The following HABP4 variants were observed in gnomAD, a reference collection of about 807,000 sequenced individuals.
HABP4 encodes intracellular hyaluronan-binding protein 4.
Under a neutral mutation model 44.1 loss-of-function variants are expected in HABP4, and 32 were observed. That is an observed-to-expected ratio of 0.73 (90% CI 0.55 to 0.97). The LOEUF (loss-of-function observed/expected upper bound fraction) is 0.97, where lower values mean the gene tolerates loss of function less well. Ranked by LOEUF, HABP4 falls within the 50% of genes least tolerant of loss-of-function variation. The probability of loss-of-function intolerance (pLI) is 0.00; values close to 1 mark genes in which losing one functional copy is unlikely to be tolerated. For missense variants in HABP4, 503 were observed against 561.9 expected (o/e 0.90, Z 1.06); for synonymous variants, 216 against 218.0 (o/e 0.99, Z 0.08).
intron 5 of HABP4, among the ~76,000 whole-genome samples, chr9:96,475,827 T>G (rs997351451): frequency 6.6e-6 from 1 of 152,158 alleles, no homozygotes; most frequent in African/African-American, 2.4e-5. Flanking sequence ...TAATACAAAC[T>G]ATCTGCAATA....
At chr9:96,466,817 G>A (rs1045291228) in intron 4 of HABP4, among the ~76,000 whole-genome samples, 3 of 152,192 alleles carry the variant, frequency 2.0e-5, no homozygotes, top group Non-Finnish European at 2.9e-5. Context: ...GGTAGGGCAT[G>A]CTGCAGGCAG....
At chr9:96,456,459 T>C (rs1036391091) in intron 1 of HABP4, among the ~76,000 whole-genome samples, 1 of 151,980 alleles carries the variant, frequency 6.6e-6, no homozygotes. Context: ...GGAAGTCTAA[T>C]AGTTAAAAAA....
chr9:96,490,031 T>C lies in HABP4; in HGVS notation c.1235T>C (p.Leu412Pro). The part of the protein sequence containing the change: ...NPDDPEDFPA[L>P]S ...GATGACCCGGAAGATTTCCCTGCGC[T>C]GTCTTGAAAGAGCCCTGTTTCCCAG... The change falls in exon 8 of 8, where the codon CTG becomes CCG. Residue 412 changes from leucine (L) to proline (P), a missense_variant. Coordinates refer to ENST00000375249, the MANE Select transcript of HABP4 (RefSeq NM_014282.4). 1 of 1,596,850 alleles carries C rather than the reference T, an allele frequency of 6.3e-7. No individual in the cohort carries two copies. The highest frequency in any genetic ancestry group is 8.6e-7 in the Non-Finnish European group (1 of 1,164,132).
rs531168147 is a variant in HABP4 at position 96,450,890 on chromosome 9, C to T, written c.349+262C>T. Among the ~76,000 whole-genome samples the T allele has an allele frequency of 5.9e-5, 9 of 152,160 alleles. No homozygotes were observed. Among genetic ancestry groups the T allele is most frequent in the Non-Finnish European group, 1.3e-4 (9 of 67,966 alleles). On this transcript the variant is annotated intron_variant, in intron 1 of 7. Transcript: ENST00000375249. This position sits in a 1 kb window ranked among gnomAD's most constrained non-coding sequence, Gnocchi z 4.8. ...CACTGAGGCTCTACGGCAAGTTGGACGAAGTTGAGGGAGGTTGTCTGGGTG... is the reference window on the plus strand; with the variant it reads ...CACTGAGGCTCTACGGCAAGTTGGATGAAGTTGAGGGAGGTTGTCTGGGTG...
rs775289004 is a variant in HABP4, at chr9:96,465,363, G to A, written c.539G>A (p.Arg180Lys). 1 of 1,610,700 alleles carries A rather than the reference G, an allele frequency of 6.2e-7. No homozygotes were observed. Among genetic ancestry groups the A allele is most frequent in the South Asian group, 1.1e-5 (1 of 90,984 alleles). Reference sequence around the variant, plus strand: ...CCAGGTGATAGGTTTGATCGAGACAGACCGTTGAGAGGACGTGGAGGCCCG... The same window carrying A: ...CCAGGTGATAGGTTTGATCGAGACAAACCGTTGAGAGGACGTGGAGGCCCG... The part of the protein sequence containing the change: ...EKPGDRFDRD[R>K]PLRGRGGPRG... The change falls in exon 3 of 8, where the codon AGA (arginine) becomes AAA (lysine). Residue 180 changes from arginine (R) to lysine (K), a missense_variant. Physicochemically the swap from Arg to Lys is conservative, Grantham distance 26. Coordinates refer to ENST00000375249, the MANE Select transcript of HABP4 (RefSeq NM_014282.4).
At chr9:96,465,958 A>G (rs935340903) in intron 4 of HABP4, among the ~76,000 whole-genome samples, 180 bp downstream of exon 4, 3 of 152,238 alleles carry the variant, frequency 2.0e-5, no homozygotes, top group Non-Finnish European at 4.4e-5. Context: ...GCTATGTTGC[A>G]GTTAGATTTA....
chr9:96,477,656 T>G (rs998185134), intron 5 of HABP4, among the ~76,000 whole-genome samples: 10 of 152,208 alleles, frequency 6.6e-5, no homozygotes, highest in Admixed American at 2.0e-4. Flanking sequence ...AATATTGAAA[T>G]ATACATGTCA....
Position 96,450,388 on chromosome 9 carries a change from G to A in HABP4, c.109G>A (p.Asp37Asn), listed in dbSNP as rs1832245727. Residue 37 changes from aspartate to asparagine, a missense_variant, in exon 1 of 8, where the codon GAC becomes AAC. By Grantham distance (23) the Asp-to-Asn change is conservative (BLOSUM62 1). This residue lies in a region of HABP4 where 290 missense variants were observed against 300.5 expected (regional missense o/e 0.97). Coordinates refer to ENST00000375249, the MANE Select transcript of HABP4 (RefSeq NM_014282.4). This position sits in a 1 kb window ranked among gnomAD's most constrained non-coding sequence, Gnocchi z 4.8. ...CCATCAGCTGCTGGACGACGAGTCG[G>A]ACCCGTTCGACATCCTGCGCGAGGC... The part of the protein sequence containing the change: ...RFHQLLDDES[D>N]PFDILREAER... The A allele has an allele frequency of 1.9e-6, 2 of 1,080,608 alleles. No individual in the cohort carries two copies. Among genetic ancestry groups the A allele is most frequent in the Non-Finnish European group, 1.2e-6 (1 of 818,028 alleles). 66.9% of individuals were successfully genotyped at this position (1,080,608 alleles called of 1,614,324 possible). A position where few individuals can be genotyped will look rare whatever the true frequency, so the allele number is the denominator to read the frequency against.
intron 1 of HABP4, among the ~76,000 whole-genome samples, 167 bp from the exon 2 acceptor site, chr9:96,458,212 G>A (rs1444876445): frequency 6.6e-6 from 1 of 152,198 alleles, no homozygotes; most frequent in African/African-American, 2.4e-5. Flanking sequence ...TAGACTGTGG[G>A]CAGTTGTAGT....
Position 96,450,459 on chromosome 9 carries a change from G to A in HABP4, c.180G>A (p.Glu60=). 8.3e-7 allele frequency: 1 copy of A among 1,205,334 alleles called. No individual in the cohort carries two copies. The highest frequency in any genetic ancestry group is 1.0e-6 in the Non-Finnish European group (1 of 961,342). 74.7% of individuals were successfully genotyped at this position (1,205,334 alleles called of 1,614,324 possible). A position where few individuals can be genotyped will look rare whatever the true frequency, so the allele number is the denominator to read the frequency against. The part of the protein sequence containing the change: ...QQQLQRKRRD[E]AAAAAGAGPR... ...AGCTGCAGCGCAAGAGGCGCGACGA[G>A]GCGGCGGCGGCGGCCGGGGCCGGTC... is the stretch of plus-strand genomic sequence containing the variant. The change falls in exon 1 of 8, where the codon GAG becomes GAA. Residue 60 remains glutamate, a synonymous_variant. Transcript: ENST00000375249. This position sits in a 1 kb window ranked among gnomAD's most constrained non-coding sequence, Gnocchi z 4.8.
At position 96,465,370 on chromosome 9, in the gene HABP4, G is replaced by A; in HGVS notation, c.546G>A (p.Leu182=). Residue 182 remains leucine (L), a synonymous_variant, in exon 3 of 8, where the codon TTG becomes TTA. Transcript: ENST00000375249. ...ATAGGTTTGATCGAGACAGACCGTT[G>A]AGAGGACGTGGAGGCCCGAGAGGGG... The part of the protein sequence containing the change: ...PGDRFDRDRP[L]RGRGGPRGGM... The A allele has an allele frequency of 6.2e-7, 1 of 1,611,118 alleles. No homozygotes were observed. Among genetic ancestry groups the A allele is most frequent in the Non-Finnish European group, 8.5e-7 (1 of 1,177,280 alleles).
chr9:96,481,892 TAACATTC>T (rs1832885631), intron 5 of HABP4, among the ~76,000 whole-genome samples: 1 of 152,068 alleles, frequency 6.6e-6, no homozygotes. Flanking sequence ...ATGGCATCAG[TAACATTC>T]ATATTGTGTG....
At chr9:96,473,074 C>A (rs866114319) in intron 5 of HABP4, among the ~76,000 whole-genome samples, 2 of 152,186 alleles carry the variant, frequency 1.3e-5, no homozygotes, top group Admixed American at 6.5e-5. Context: ...TGCCTTAGGC[C>A]TTCTCTTTCT....
Position 96,484,459 on chromosome 9 carries a change from T to A in HABP4, c.828-3T>A. 7.3e-7 allele frequency: 1 copy of A among 1,368,746 alleles called. No homozygotes were observed. Among genetic ancestry groups the A allele is most frequent in the Non-Finnish European group, 1.0e-6 (1 of 963,778 alleles). 84.8% of individuals were successfully genotyped at this position (1,368,746 alleles called of 1,614,324 possible). A position where few individuals can be genotyped will look rare whatever the true frequency, so the allele number is the denominator to read the frequency against. The stretch of plus-strand genomic sequence containing the variant: ...TTCTTTATGATTATATATCTCTTTA[T>A]AGAGTTCCTGAGTTGGAGGTAGAAG... On this transcript the variant is annotated splice_region_variant and splice_polypyrimidine_tract_variant and intron_variant, in intron 5 of 7. Coordinates refer to ENST00000375249, the MANE Select transcript of HABP4 (RefSeq NM_014282.4).
In HABP4 at chr9:96,488,119, C is replaced by T; in HGVS notation, c.1030C>T (p.His344Tyr). Residue 344 changes from histidine (H) to tyrosine (Y), a missense_variant, in exon 7 of 8, where the codon CAT becomes TAT. His to Tyr is a moderately conservative substitution (Grantham distance 83, BLOSUM62 2). Transcript: ENST00000375249. This position sits in a 1 kb window ranked among gnomAD's most constrained non-coding sequence, Gnocchi z 4.6. The stretch of plus-strand genomic sequence containing the variant: ...AAAAGATGACTATGAGGACGATTCC[C>T]ATGTTTTCCGGAAACCCGCCAATGA... ...MVKDDYEDDS[H>Y]VFRKPANDIT... 1 of 1,613,440 alleles carries T rather than the reference C, an allele frequency of 6.2e-7. No homozygotes were observed. The highest frequency in any genetic ancestry group is 8.5e-7 in the Non-Finnish European group (1 of 1,179,372).
intron 6 of HABP4, among the ~76,000 whole-genome samples, chr9:96,485,055 CTTT>C (rs869271101): frequency 6.9e-6 from 1 of 145,260 alleles, no homozygotes. Context: ...TAGTTGATGA[CTTT>C]TTTTTTTTTT....
At chr9:96,485,274 C>A (rs1832953261) in intron 6 of HABP4, among the ~76,000 whole-genome samples, 1 of 152,208 alleles carries the variant, frequency 6.6e-6, no homozygotes. Context: ...TGGTCTTGAA[C>A]TCCCGACCTC....
In HABP4 at chr9:96,450,347, T is replaced by C. The variant is rs1302430371; in HGVS notation, c.68T>C (p.Val23Ala). ...GCGATGCAGGAGAGTTTCGGCTGCG[T>C]GGTGGCCAACCGCTTCCATCAGCTG... Reference protein sequence around the residue: ...GAAMQESFGCVVANRFHQLLD... With the variant: ...GAAMQESFGCAVANRFHQLLD... The change falls in exon 1 of 8, where the codon GTG becomes GCG. Residue 23 changes from valine (V) to alanine (A), a missense_variant. By Grantham distance (64) the Val-to-Ala change is moderately conservative (BLOSUM62 0). This residue lies in a region of HABP4 where 290 missense variants were observed against 300.5 expected (regional missense o/e 0.97). Transcript: ENST00000375249. This position sits in a 1 kb window ranked among gnomAD's most constrained non-coding sequence, Gnocchi z 4.8. 3.0e-6 allele frequency: 4 copies of C among 1,320,918 alleles called. No homozygotes were observed. The highest frequency in any genetic ancestry group is 4.0e-6 in the Non-Finnish European group (4 of 1,009,872). The allele number at this position is 1,320,918 out of a possible 1,614,324, so 81.8% of individuals were successfully genotyped here.
At chr9:96,456,569 G>A (rs60076414) in intron 1 of HABP4, among the ~76,000 whole-genome samples, 35,024 of 150,696 alleles carry the variant, frequency 0.23, 5,062 homozygotes, top group African/African-American at 0.41. Context: ...GACCATCCTG[G>A]GTAACACGGT....
Sources: gnomAD v4.1 joint callset for allele counts (sites outside exome capture counted in the v4.1 genomes callset) on GRCh38, gnomAD v4.1.1 for gene constraint, gnomAD v4.1.1 regional missense constraint, Gnocchi (gnomAD v3.1) non-coding constraint, MANE v1.5 for transcripts, NCBI Gene and HGNC (gene_info 2026-07-23, HGNC 2026-07-21) for gene names.